The following GRID2 variants were observed in gnomAD, a reference collection of about 807,000 sequenced individuals.
The protein encoded by GRID2 is glutamate ionotropic receptor delta type subunit 2.
Under a neutral mutation model 114.8 loss-of-function variants are expected in GRID2, and 33 were observed. The ratio of observed to expected loss-of-function variants is 0.29; its 90% CI spans 0.22 to 0.38. The LOEUF (loss-of-function observed/expected upper bound fraction) is 0.38. Among genes scored for constraint, GRID2 ranks in the 10% least tolerant of loss-of-function variants. The pLI, the probability that GRID2 is intolerant of heterozygous loss-of-function variation, is 1.00. For synonymous variants in GRID2, 505 were observed against 449.9 expected (o/e 1.12, Z -1.55); for missense variants, 1,184 against 1,257.7 (o/e 0.94, Z 0.89).
intron 2 of GRID2, among the ~76,000 whole-genome samples, chr4:92,864,300 G>A (rs1386658116): frequency 2.0e-5 from 3 of 152,178 alleles, no homozygotes; most frequent in Non-Finnish European, 4.4e-5. Flanking sequence ...TTGGAGGACA[G>A]TACTGAATAG....
chr4:93,140,111 C>T (rs984036942), intron 4 of GRID2, among the ~76,000 whole-genome samples: 1 of 151,616 alleles, frequency 6.6e-6, no homozygotes, highest in African/African-American at 2.4e-5. Flanking sequence ...TCGTCTCTGC[C>T]ATCCCTTAAT....
At chr4:93,004,485 A>G (rs1721305218) in intron 2 of GRID2, among the ~76,000 whole-genome samples, 1 of 152,054 alleles carries the variant, frequency 6.6e-6, no homozygotes, top group African/African-American at 2.4e-5. Flanking sequence ...CCATTTGTAC[A>G]CTGTTCCTGC....
At chr4:92,674,990 T>C (rs1168481928) in intron 2 of GRID2, among the ~76,000 whole-genome samples, 12 of 152,216 alleles carry the variant, frequency 7.9e-5, no homozygotes, top group Admixed American at 7.9e-4. Flanking sequence ...ATGTCTAGTA[T>C]ATTTTCTTTA....
At chr4:92,507,105 T>A (rs1724015628) in intron 1 of GRID2, among the ~76,000 whole-genome samples, 1 of 151,940 alleles carries the variant, frequency 6.6e-6, no homozygotes, top group South Asian at 2.1e-4. Context: ...TCAATTCATG[T>A]GTTAATTTAT....
chr4:92,900,215 T>C (rs1010961961), intron 2 of GRID2, among the ~76,000 whole-genome samples: 7 of 152,206 alleles, frequency 4.6e-5, no homozygotes, highest in African/African-American at 1.7e-4. Context: ...TTTCTCAGTT[T>C]ACAGCACATT....
intron 4 of GRID2, among the ~76,000 whole-genome samples, chr4:93,133,111 T>C (rs540273892): frequency 6.6e-6 from 1 of 152,216 alleles, no homozygotes; most frequent in Non-Finnish European, 1.5e-5. Flanking sequence ...TTCCATCAAC[T>C]ATAGCTTTTC....
chr4:92,758,407 C>T (rs957645240), intron 2 of GRID2, among the ~76,000 whole-genome samples: 2 of 152,008 alleles, frequency 1.3e-5, no homozygotes, highest in African/African-American at 4.8e-5. Flanking sequence ...GTTACGACAA[C>T]TATATTTTAA....
At chr4:92,479,777 T>C (rs1652454681) in intron 1 of GRID2, among the ~76,000 whole-genome samples, 1 of 152,124 alleles carries the variant, frequency 6.6e-6, no homozygotes, top group Non-Finnish European at 1.5e-5. Context: ...ATTCCAAAAG[T>C]GGAGACTTCT....
downstream of GRID2, among the ~76,000 whole-genome samples, chr4:93,777,817 C>A (rs995587783): frequency 2.0e-5 from 3 of 152,140 alleles, no homozygotes; most frequent in Non-Finnish European, 2.9e-5. Flanking sequence ...AATATTTTGC[C>A]AGCTACAAGC....
chr4:93,492,279 T>G (rs1489549313), intron 12 of GRID2, among the ~76,000 whole-genome samples: 1 of 151,916 alleles, frequency 6.6e-6, no homozygotes, highest in Non-Finnish European at 1.5e-5. Context: ...AAACTTACTA[T>G]CATCTTCAAA....
At chr4:92,367,857 A>G (rs542619712) in intron 1 of GRID2, among the ~76,000 whole-genome samples, 24 of 152,264 alleles carry the variant, frequency 1.6e-4, no homozygotes, top group African/African-American at 5.3e-4. Context: ...CTGCACATAT[A>G]TAACTTGTCT....
intron 14 of GRID2, among the ~76,000 whole-genome samples, chr4:93,765,935 T>G (rs1462366691): frequency 1.3e-5 from 2 of 152,144 alleles, no homozygotes; most frequent in Non-Finnish European, 2.9e-5. Context: ...TTCAACTGTT[T>G]ATTAAATGGA....
At chr4:92,558,550 T>C (rs74913896) in intron 1 of GRID2, among the ~76,000 whole-genome samples, 2,169 of 152,300 alleles carry the variant, frequency 0.014, 50 homozygotes, top group African/African-American at 0.05. Flanking sequence ...TAATCCTTTC[T>C]TCAAGTCCCT....
At chr4:92,600,264 T>G (rs1017635067) in intron 2 of GRID2, among the ~76,000 whole-genome samples, 1 of 151,582 alleles carries the variant, frequency 6.6e-6, no homozygotes, top group Non-Finnish European at 1.5e-5. Flanking sequence ...AGTGGTCTCA[T>G]GTACTCATTC....
chr4:93,194,170 A>G (rs1741257699), intron 4 of GRID2, among the ~76,000 whole-genome samples: 1 of 152,198 alleles, frequency 6.6e-6, no homozygotes, highest in Non-Finnish European at 1.5e-5. Context: ...GGTTGTCTAT[A>G]CTCAAGGCTG....
chr4:93,170,290 G>A (rs1336852773), intron 4 of GRID2, among the ~76,000 whole-genome samples: 1 of 152,060 alleles, frequency 6.6e-6, no homozygotes, highest in African/African-American at 2.4e-5. Context: ...CGCCACGTTG[G>A]CCAGGCTAGT....
intron 2 of GRID2, among the ~76,000 whole-genome samples, chr4:92,697,283 G>A (rs1336513179): frequency 6.6e-6 from 1 of 152,108 alleles, no homozygotes; most frequent in African/African-American, 2.4e-5. Flanking sequence ...TTACATAACA[G>A]AGGAAATGAA....
At chr4:92,853,178 T>C (rs2149425245) in intron 2 of GRID2, among the ~76,000 whole-genome samples, 1 of 152,046 alleles carries the variant, frequency 6.6e-6, no homozygotes, top group South Asian at 2.1e-4. Context: ...TCAGGTCCCT[T>C]ATCTGTAACA....
chr4:93,801,125 A>G (rs544390817), intron 1 of GRID2, among the ~76,000 whole-genome samples: 2 of 152,270 alleles, frequency 1.3e-5, no homozygotes, highest in African/African-American at 4.8e-5. Context: ...TACCTGCATG[A>G]GAGTGAACTC....
Sources: gnomAD v4.1 joint callset for allele counts (sites outside exome capture counted in the v4.1 genomes callset) on GRCh38, gnomAD v4.1.1 for gene constraint, MANE v1.5 for transcripts, NCBI Gene and HGNC (gene_info 2026-07-23, HGNC 2026-07-21) for gene names.